The following EIF4A3 variants were observed in gnomAD, a reference collection of about 807,000 sequenced individuals.
EIF4A3 encodes eukaryotic initiation factor 4A-III.
A neutral mutation model predicts 55.6 loss-of-function variants in EIF4A3; 1 was observed. The observed-to-expected ratio is 0.02, with a 90% CI of 0.01 to 0.09. The LOEUF is 0.09. Among genes scored for constraint, EIF4A3 ranks in the 10% least tolerant of loss-of-function variants. The pLI is 1.00. For missense variants in EIF4A3, 221 were observed against 540.7 expected, an observed-to-expected ratio of 0.41 and a Z score of 5.86; for synonymous variants, 194 against 196.3, an observed-to-expected ratio of 0.99 and a Z score of 0.10.
In EIF4A3 at chr17:80,141,457, C is replaced by G. The variant is rs2039618223; in HGVS notation, c.310-76G>C. 3.6e-6 allele frequency: 5 copies of G among 1,395,786 alleles called. No individual in the cohort carries two copies. The East Asian group carries it at 1.2e-4, about 32-fold the overall frequency. 86.5% of individuals were successfully genotyped at this position (1,395,786 alleles called of 1,614,324 possible). A position where few individuals can be genotyped will look rare whatever the true frequency, so the allele number is the denominator to read the frequency against. ...GGATTGTAGTAATTCACACTCAGAT[C>G]TATATGAGAAATACTATCTCATATT... On this transcript the variant is annotated intron_variant, in intron 3 of 11. Coordinates refer to ENST00000649764, the MANE Select transcript of EIF4A3 (RefSeq NM_014740.4).
At chr17:80,139,858 G>C (rs2039603329) in intron 5 of EIF4A3, 108 bp from the exon 6 acceptor site, 3 of 1,491,858 alleles carry the variant, frequency 2.0e-6, no homozygotes, top group Non-Finnish European at 2.7e-6. Context: ...CTGGTCTCAG[G>C]GTTCCAGAGA....
chr17:80,137,826 C>G lies in EIF4A3; in HGVS notation c.867+316G>C, dbSNP rs572675637. 1.3e-4 allele frequency among the ~76,000 whole-genome samples: 20 copies of G among 152,230 alleles called. No individual in the cohort carries two copies. In the South Asian group the frequency reaches 3.9e-3, roughly 30 times the overall value. ...TTTCCTTTCTCAGGAAAGTGGCCGACAGTTCTCAGGTCTGCCTCCACATTA... is the reference window on the plus strand; with the variant it reads ...TTTCCTTTCTCAGGAAAGTGGCCGAGAGTTCTCAGGTCTGCCTCCACATTA... On this transcript the variant is annotated intron_variant, in intron 8 of 11. Coordinates refer to ENST00000649764, the MANE Select transcript of EIF4A3 (RefSeq NM_014740.4).
chr17:80,137,354 T>C (rs2039579303), intron 9 of EIF4A3, 32 bp downstream of exon 9: 2 of 1,597,922 alleles, frequency 1.3e-6, no homozygotes, highest in Non-Finnish European at 1.7e-6. Flanking sequence ...TAGCAAACCC[T>C]GACCTGCAGA....
chr17:80,146,657 CACTGGCCCCCGAGCCTCGACCCTG>C, intron 1 of EIF4A3, 112 bp downstream of exon 1: 1 of 1,082,096 alleles, frequency 9.2e-7, no homozygotes, highest in Non-Finnish European at 1.3e-6. Context: ...GGTCGGACGT[CACTGGCCCCCGAGCCTCGACCCTG>C]ACCACGACCT....
intron 1 of EIF4A3, among the ~76,000 whole-genome samples, chr17:80,145,110 T>C (rs1253259762): frequency 6.6e-6 from 1 of 152,098 alleles, no homozygotes; most frequent in African/African-American, 2.4e-5. Context: ...AGCAAGCACA[T>C]AGATGGGAAA....
intron 5 of EIF4A3, 25 bp downstream of exon 5, chr17:80,139,983 C>A (rs1409672800): frequency 6.2e-7 from 1 of 1,605,216 alleles, no homozygotes; most frequent in Admixed American, 1.7e-5. Context: ...CCGGCAGCAC[C>A]ATTTTTAGCG....
At chr17:80,141,109 A>G (rs1398781544) in intron 4 of EIF4A3, among the ~76,000 whole-genome samples, 1 of 152,234 alleles carries the variant, frequency 6.6e-6, no homozygotes, top group African/African-American at 2.4e-5. Context: ...CTAAGGCTGT[A>G]AAAAACTACC....
intron 2 of EIF4A3, 39 bp downstream of exon 2, chr17:80,144,133 T>C (rs764629869): frequency 1.9e-6 from 3 of 1,607,220 alleles, no homozygotes; most frequent in Non-Finnish European, 2.6e-6. Context: ...GCTGCCCAAA[T>C]TTACATCCAG....
chr17:80,146,521 G>C (rs12937349), intron 1 of EIF4A3, among the ~76,000 whole-genome samples: 83,533 of 152,098 alleles, frequency 0.55, 23,042 homozygotes, highest in South Asian at 0.64. Flanking sequence ...GCTGAATGAA[G>C]GACGCTGAGG....
rs1434320991 is a variant in EIF4A3 at position 80,146,777 on chromosome 17, G to C, written c.169+16C>G. The C allele has an allele frequency of 6.2e-6, 10 of 1,601,796 alleles. No homozygotes were observed. Among genetic ancestry groups the C allele is most frequent in the Non-Finnish European group, 7.6e-6 (9 of 1,177,760 alleles). ...GACTCGCCCCCGGCTGGCCCCCGCG[G>C]CCCGCGCCCGCTCACCGTAAGCGTA... On this transcript the variant is annotated intron_variant, in intron 1 of 11. Coordinates refer to ENST00000649764, the MANE Select transcript of EIF4A3 (RefSeq NM_014740.4).
chr17:80,138,844 T>G, intron 7 of EIF4A3, 177 bp downstream of exon 7: 1 of 799,912 alleles, frequency 1.3e-6, no homozygotes, highest in Non-Finnish European at 1.9e-6. Flanking sequence ...TTAAAAGAAT[T>G]TGCATGCTTT....
intron 1 of EIF4A3, among the ~76,000 whole-genome samples, chr17:80,146,531 G>A (rs1373644327): frequency 2.0e-5 from 3 of 152,218 alleles, no homozygotes; most frequent in Non-Finnish European, 2.9e-5. Context: ...GGACGCTGAG[G>A]TGCCTCGAAG....
In EIF4A3 at chr17:80,135,333, C is replaced by A; in HGVS notation, c.*157G>T. The A allele has an allele frequency of 1.5e-6, 1 of 673,986 alleles. No homozygotes were observed. Among genetic ancestry groups the A allele is most frequent in the South Asian group, 2.7e-5 (1 of 37,232 alleles). 41.8% of individuals were successfully genotyped at this position (673,986 alleles called of 1,614,324 possible). A position where few individuals can be genotyped will look rare whatever the true frequency, so the allele number is the denominator to read the frequency against. ...TTTACATGTAAATAAGAAAAGAGAG[C>A]AGAATCCCCATATCCTCTTCAAAGG... On this transcript the variant is annotated 3_prime_UTR_variant, in exon 12 of 12. Coordinates refer to ENST00000649764, the MANE Select transcript of EIF4A3 (RefSeq NM_014740.4).
Position 80,135,401 on chromosome 17 carries a change from A to G in EIF4A3, c.*89T>C. ...ATTTATGAGAAGAAAGTCCATATAA[A>G]CCCCATTAAGTAGAATCTGGATCTA... On this transcript the variant is annotated 3_prime_UTR_variant, in exon 12 of 12. Transcript: ENST00000649764. 1 of 1,465,638 alleles carries G rather than the reference A, an allele frequency of 6.8e-7. No individual in the cohort carries two copies. 90.8% of individuals were successfully genotyped at this position (1,465,638 alleles called of 1,614,324 possible).
In EIF4A3 at chr17:80,136,335, G is replaced by A. The variant is rs983808645; in HGVS notation, c.984C>T (p.Ser328=). 1 of 1,611,006 alleles carries A rather than the reference G, an allele frequency of 6.2e-7. No homozygotes were observed. The highest frequency in any genetic ancestry group is 1.7e-4 in the Middle Eastern group (1 of 6,048). ...AGACATCTGTAGAAATAAGCACTCG[G>A]CTGCAAAAAGAAAGAGTGTTTGAGG... The part of the protein sequence containing the change: ...SIMKEFRSGA[S]RVLISTDVWA... The change falls in exon 10 of 12, where the codon AGC becomes AGT. Residue 328 remains serine (S), a splice_region_variant and synonymous_variant. Coordinates refer to ENST00000649764, the MANE Select transcript of EIF4A3 (RefSeq NM_014740.4).
intron 4 of EIF4A3, 128 bp downstream of exon 4, chr17:80,141,191 G>A: frequency 2.1e-6 from 2 of 955,394 alleles, no homozygotes; most frequent in Non-Finnish European, 1.5e-6. Context: ...ATGGCAAAAT[G>A]TTAATCAGGA....
intron 6 of EIF4A3, 71 bp from the exon 7 acceptor site, chr17:80,139,233 G>C: frequency 6.3e-7 from 1 of 1,583,266 alleles, no homozygotes; most frequent in Non-Finnish European, 8.6e-7. Context: ...TGCACGCCCA[G>C]TGTTCCCACT....
rs755926330 is a variant in EIF4A3 at position 80,146,762 on chromosome 17, C to T, written c.169+31G>A. 3.8e-6 allele frequency: 6 copies of T among 1,596,888 alleles called. No individual in the cohort carries two copies. In the African/African-American group the frequency reaches 4.1e-5, roughly 11 times the overall value. On this transcript the variant is annotated intron_variant, in intron 1 of 11. Coordinates refer to ENST00000649764, the MANE Select transcript of EIF4A3 (RefSeq NM_014740.4). ...CCCCGGCTCGCCCCCGACTCGCCCC[C>T]GGCTGGCCCCCGCGGCCCGCGCCCG...
Position 80,147,003 on chromosome 17 carries a change from A to C in EIF4A3, c.-42T>G. ...AAGAGCACAGCGCGCGCCGCTGCCGACCTCGCTGCCGCTGCCGACCTCGCT... is the reference window on the plus strand; with the variant it reads ...AAGAGCACAGCGCGCGCCGCTGCCGCCCTCGCTGCCGCTGCCGACCTCGCT... On this transcript the variant is annotated 5_prime_UTR_variant, in exon 1 of 12. Transcript: ENST00000649764. 2.1e-6 allele frequency: 3 copies of C among 1,452,532 alleles called. No individual in the cohort carries two copies. Among genetic ancestry groups the C allele is most frequent in the South Asian group, 1.3e-5 (1 of 74,110 alleles). 90.0% of individuals were successfully genotyped at this position (1,452,532 alleles called of 1,614,324 possible).
Sources: gnomAD v4.1 joint callset for allele counts (sites outside exome capture counted in the v4.1 genomes callset) on GRCh38, gnomAD v4.1.1 for gene constraint, MANE v1.5 for transcripts, NCBI Gene and HGNC (gene_info 2026-07-23, HGNC 2026-07-21) for gene names.